KCNQ5: variants seen among roughly 807,000 people sequenced by gnomAD.
The protein encoded by KCNQ5 is potassium voltage-gated channel subfamily KQT member 5.
Under a neutral mutation model 98.2 loss-of-function variants are expected in KCNQ5, and 30 were observed. The ratio of observed to expected loss-of-function variants is 0.31; its 90% confidence interval spans 0.23 to 0.41. KCNQ5 has a LOEUF of 0.41. KCNQ5 is among the 10% of genes least tolerant of loss of function. The probability of loss-of-function intolerance (pLI) is 1.00; values close to 1 mark genes in which losing one functional copy is unlikely to be tolerated. For missense variants in KCNQ5, 835 were observed against 1,182.5 expected (o/e 0.71, Z 4.31); for synonymous variants, 458 against 449.4 (o/e 1.02, Z -0.24).
At chr6:73,030,959 A>G (rs919983197) in intron 2 of KCNQ5, among the ~76,000 whole-genome samples, 1 of 152,186 alleles carries the variant, frequency 6.6e-6, no homozygotes, top group Non-Finnish European at 1.5e-5. Context: ...TTTCCTGGTT[A>G]CTGAGTAAAT....
At chr6:72,805,323 A>T (rs1027013953) in intron 1 of KCNQ5, among the ~76,000 whole-genome samples, 2 of 152,008 alleles carry the variant, frequency 1.3e-5, no homozygotes, top group Admixed American at 6.6e-5. Context: ...CGTTTAACGG[A>T]TTCTGATTTG....
intron 2 of KCNQ5, among the ~76,000 whole-genome samples, chr6:73,025,045 A>G (rs182794606): frequency 6.6e-6 from 1 of 152,296 alleles, no homozygotes; most frequent in East Asian, 1.9e-4. Context: ...TAATATTCTC[A>G]CTTCATGGCC....
chr6:72,901,938 A>G (rs1779522658), intron 1 of KCNQ5, among the ~76,000 whole-genome samples: 1 of 152,196 alleles, frequency 6.6e-6, no homozygotes, highest in Admixed American at 6.5e-5. Flanking sequence ...TGCTTTTAGC[A>G]GTATGGTTGT....
intron 1 of KCNQ5, among the ~76,000 whole-genome samples, chr6:72,779,404 G>A (rs1388159908): frequency 1.3e-5 from 2 of 152,198 alleles, no homozygotes; most frequent in Admixed American, 6.5e-5. Context: ...GTGAGAATGT[G>A]TGTATGTCTC....
At chr6:73,136,998 C>T (rs1562200641) in intron 10 of KCNQ5, among the ~76,000 whole-genome samples, 2 of 150,568 alleles carry the variant, frequency 1.3e-5, no homozygotes, top group African/African-American at 4.9e-5. Context: ...GGAGAATAGA[C>T]AAATAAAAGA....
intron 1 of KCNQ5, among the ~76,000 whole-genome samples, chr6:72,769,983 G>A (rs1424367353): frequency 6.6e-6 from 1 of 152,096 alleles, no homozygotes; most frequent in Non-Finnish European, 1.5e-5. Context: ...GGCTTGCCTA[G>A]AGTAGATCTG....
chr6:72,916,890 C>A (rs1386434397), intron 1 of KCNQ5, among the ~76,000 whole-genome samples: 1 of 152,178 alleles, frequency 6.6e-6, no homozygotes, highest in Non-Finnish European at 1.5e-5. Context: ...CTTCTGCAGT[C>A]ACTTACAGGG....
chr6:72,746,048 G>A (rs1301826077), intron 1 of KCNQ5, among the ~76,000 whole-genome samples: 3 of 104,710 alleles, frequency 2.9e-5, no homozygotes, highest in South Asian at 3.5e-4. Context: ...AATTATATCC[G>A]CAAAGACTCT....
intron 11 of KCNQ5, among the ~76,000 whole-genome samples, chr6:73,174,277 G>T (rs1461453694): frequency 1.3e-5 from 2 of 152,028 alleles, no homozygotes; most frequent in African/African-American, 4.8e-5. Flanking sequence ...TTTCCTGTCC[G>T]TTTGTTTTAT....
In KCNQ5 at chr6:73,040,062, A is replaced by G. The variant is rs755803569; in HGVS notation, c.490-1874A>G. ...GCAGCAAGCAATATTTCTGAACAAT[A>G]GGGCTTGAATAAAGAACTTGTAAAT... is the stretch of plus-strand genomic sequence containing the variant. On this transcript the variant is annotated intron_variant, in intron 2 of 13. Transcript: ENST00000370398. Among the ~76,000 whole-genome samples, 8 of 152,070 alleles carry G rather than the reference A, an allele frequency of 5.3e-5. No homozygotes were observed. The East Asian group carries it at 1.5e-3, about 29-fold the overall frequency.
intron 2 of KCNQ5, among the ~76,000 whole-genome samples, chr6:73,038,214 A>G (rs1175596263): frequency 6.6e-6 from 1 of 152,082 alleles, no homozygotes; most frequent in African/African-American, 2.4e-5. Flanking sequence ...TAATTTTTAT[A>G]TTGATCATAC....
chr6:73,159,974 G>T (rs1454328126), intron 10 of KCNQ5, among the ~76,000 whole-genome samples: 4 of 151,522 alleles, frequency 2.6e-5, no homozygotes, highest in Non-Finnish European at 4.4e-5. Flanking sequence ...GACAAAACAA[G>T]TGTTTCCGCT....
chr6:72,835,188 T>TA (rs1030094418), intron 1 of KCNQ5, among the ~76,000 whole-genome samples: 1 of 152,128 alleles, frequency 6.6e-6, no homozygotes, highest in Non-Finnish European at 1.5e-5. Context: ...CTAACCATAG[T>TA]GGCTATTGCT....
At position 72,888,138 on chromosome 6, in the gene KCNQ5, C is replaced by T. The variant is rs78279086; in HGVS notation, c.399-115770C>T. Among the ~76,000 whole-genome samples the T allele has an allele frequency of 4.8e-3, 725 of 152,036 alleles. 11 individuals carry two copies. Among genetic ancestry groups the T allele is most frequent in the East Asian group, 0.02 (104 of 5,170 alleles). ...AAGACGGTTAATACATAAAGTAAAA[C>T]GTTAAAATTTGGCAGAACTACAAGA... On this transcript the variant is annotated intron_variant, in intron 1 of 13. Coordinates refer to ENST00000370398, the MANE Select transcript of KCNQ5 (RefSeq NM_019842.4).
intron 5 of KCNQ5, among the ~76,000 whole-genome samples, chr6:73,104,132 G>A (rs1367191350): frequency 1.3e-5 from 2 of 151,874 alleles, no homozygotes; most frequent in Non-Finnish European, 2.9e-5. Flanking sequence ...AGAAATAAAA[G>A]GCATCCAAAT....
At chr6:72,715,500 C>G (rs973318880) in intron 1 of KCNQ5, among the ~76,000 whole-genome samples, 1 of 152,136 alleles carries the variant, frequency 6.6e-6, no homozygotes, top group East Asian at 1.9e-4. Context: ...GAAATTCAGA[C>G]AAGATCACGA....
At chr6:72,819,979 G>T (rs781704707) in intron 1 of KCNQ5, among the ~76,000 whole-genome samples, 1 of 152,048 alleles carries the variant, frequency 6.6e-6, no homozygotes, top group Non-Finnish European at 1.5e-5. Context: ...TCTGCCTTTT[G>T]CTTTACAGAT....
At chr6:72,748,036 G>C (rs997918826) in intron 1 of KCNQ5, among the ~76,000 whole-genome samples, 1 of 152,090 alleles carries the variant, frequency 6.6e-6, no homozygotes, top group Non-Finnish European at 1.5e-5. Context: ...ATACATCTCC[G>C]AAAAGTGTAA....
chr6:72,900,138 T>C (rs1160268119), intron 1 of KCNQ5, among the ~76,000 whole-genome samples: 1 of 151,974 alleles, frequency 6.6e-6, no homozygotes, highest in Non-Finnish European at 1.5e-5. Context: ...GCCTGGCCTA[T>C]TGCACCATTC....
Sources: gnomAD v4.1 joint callset for allele counts (sites outside exome capture counted in the v4.1 genomes callset) on GRCh38, gnomAD v4.1.1 for gene constraint, MANE v1.5 for transcripts, NCBI Gene and HGNC (gene_info 2026-07-23, HGNC 2026-07-21) for gene names.